GRIA4: variants seen among roughly 807,000 people sequenced by gnomAD.
The protein encoded by GRIA4 is glutamate ionotropic receptor AMPA type subunit 4.
A neutral mutation model predicts 104.0 loss-of-function variants in GRIA4; 34 were observed. The observed-to-expected ratio is 0.33, with a 90% CI of 0.25 to 0.44. GRIA4 has a LOEUF of 0.44. Ranked by LOEUF, GRIA4 falls within the 20% of genes least tolerant of loss-of-function variation. The probability of loss-of-function intolerance (pLI) is 1.00; values close to 1 mark genes in which losing one functional copy is unlikely to be tolerated. For missense variants in GRIA4, 750 were observed against 1,096.5 expected (o/e 0.68, Z 4.46); for synonymous variants, 386 against 381.9 (o/e 1.01, Z -0.13).
chr11:105,733,796 C>T (rs913827163), intron 3 of GRIA4, among the ~76,000 whole-genome samples: 80 of 149,134 alleles, frequency 5.4e-4, no homozygotes, highest in African/African-American at 1.8e-3. Context: ...CCTGCTTCAG[C>T]AGTAGTCGAT....
intron 3 of GRIA4, among the ~76,000 whole-genome samples, chr11:105,638,741 C>T (rs1391127816): frequency 6.6e-6 from 1 of 151,930 alleles, no homozygotes; most frequent in Non-Finnish European, 1.5e-5. Context: ...CTCAAATTTA[C>T]CATCATTCTT....
chr11:105,755,302 A>C (rs568320039), intron 4 of GRIA4, among the ~76,000 whole-genome samples: 156 of 152,338 alleles, frequency 1.0e-3, no homozygotes, highest in Middle Eastern at 3.4e-3. Flanking sequence ...GAAGAGGAAG[A>C]GGCATGAAAC....
chr11:105,750,711 G>A (rs559869462), intron 3 of GRIA4, among the ~76,000 whole-genome samples: 1 of 152,174 alleles, frequency 6.6e-6, no homozygotes, highest in East Asian at 1.9e-4. Context: ...TAGTACAATT[G>A]TTGTTTTTGA....
chr11:105,728,382 T>C (rs986139097), intron 3 of GRIA4, among the ~76,000 whole-genome samples: 1 of 151,956 alleles, frequency 6.6e-6, no homozygotes, highest in Admixed American at 6.6e-5. Flanking sequence ...AACAAGTTCT[T>C]AGATTCCCAC....
intron 3 of GRIA4, among the ~76,000 whole-genome samples, chr11:105,647,876 T>C (rs2135373027): frequency 6.6e-6 from 1 of 152,100 alleles, no homozygotes; most frequent in East Asian, 1.9e-4. Flanking sequence ...GGAGAATTCC[T>C]TGAACCCTGG....
intron 7 of GRIA4, among the ~76,000 whole-genome samples, chr11:105,900,970 A>T (rs550120384): frequency 5.2e-4 from 78 of 148,594 alleles, no homozygotes; most frequent in Non-Finnish European, 6.3e-4. Flanking sequence ...ATATATATAT[A>T]TTTTGTAAAT....
chr11:105,628,263 T>C (rs917955180), intron 3 of GRIA4, among the ~76,000 whole-genome samples: 3 of 152,174 alleles, frequency 2.0e-5, no homozygotes, highest in African/African-American at 4.8e-5. Context: ...TTCTTAAAAA[T>C]GAAAATACAG....
chr11:105,726,778 C>G (rs981116902), intron 3 of GRIA4, among the ~76,000 whole-genome samples: 1 of 152,110 alleles, frequency 6.6e-6, no homozygotes, highest in African/African-American at 2.4e-5. Context: ...TCCAGCAGAC[C>G]TGCAGAAGTG....
chr11:105,649,931 A>G (rs1432561440), intron 3 of GRIA4, among the ~76,000 whole-genome samples: 1 of 152,130 alleles, frequency 6.6e-6, no homozygotes, highest in Non-Finnish European at 1.5e-5. Context: ...CTCATATAAT[A>G]CACTAAAGAA....
intron 4 of GRIA4, among the ~76,000 whole-genome samples, chr11:105,853,785 C>T (rs539473169): frequency 1.5e-4 from 23 of 152,232 alleles, no homozygotes; most frequent in African/African-American, 5.5e-4. Context: ...TTTCTTTCCA[C>T]TTTTTCTGGA....
intron 3 of GRIA4, among the ~76,000 whole-genome samples, chr11:105,743,880 C>A (rs1383157643): frequency 1.3e-5 from 2 of 152,190 alleles, no homozygotes; most frequent in African/African-American, 4.8e-5. Flanking sequence ...TTATTAGATT[C>A]TGCCTATTTA....
intron 8 of GRIA4, among the ~76,000 whole-genome samples, chr11:105,904,472 C>T (rs974818044): frequency 6.6e-6 from 1 of 152,128 alleles, no homozygotes; most frequent in Non-Finnish European, 1.5e-5. Context: ...GCCTAGCTAA[C>T]CACAAGGGGT....
At chr11:105,647,045 A>C (rs1951550071) in intron 3 of GRIA4, among the ~76,000 whole-genome samples, 1 of 152,244 alleles carries the variant, frequency 6.6e-6, no homozygotes, top group African/African-American at 2.4e-5. Flanking sequence ...AAATATTTGC[A>C]AACTGTCATC....
At position 105,924,728 on chromosome 11, in the gene GRIA4, C is replaced by G. The variant is rs576356064; in HGVS notation, c.1806C>G (p.Ser602=). ...GCATCTTTAACAGCCTCTGGTTTTC[C>G]CTGGGTGCTTTTATGCAGCAAGGAT... ...EFGIFNSLWF[S]LGAFMQQGCD... is the part of the protein sequence containing the mutation. Residue 602 remains serine, a synonymous_variant, in exon 12 of 17, where the codon TCC becomes TCG. Transcript: ENST00000282499. 6.8e-6 allele frequency: 11 copies of G among 1,611,894 alleles called. No homozygotes were observed. In the African/African-American group the frequency reaches 1.3e-4, roughly 20 times the overall value.
intron 4 of GRIA4, among the ~76,000 whole-genome samples, chr11:105,846,771 A>G (rs1327935210): frequency 6.6e-6 from 1 of 152,228 alleles, no homozygotes; most frequent in African/African-American, 2.4e-5. Flanking sequence ...GAAAAGTTAA[A>G]TGTGAGACCT....
At chr11:105,899,805 G>A (rs972420667) in intron 7 of GRIA4, among the ~76,000 whole-genome samples, 1 of 152,056 alleles carries the variant, frequency 6.6e-6, no homozygotes, top group East Asian at 1.9e-4. Context: ...TTGGTTCATG[G>A]ACATTGAACT....
chr11:105,773,970 C>A (rs1941339282), intron 4 of GRIA4, among the ~76,000 whole-genome samples: 1 of 150,176 alleles, frequency 6.7e-6, no homozygotes, highest in Admixed American at 6.6e-5. Flanking sequence ...AATATTATAC[C>A]TAATGAATTT....
chr11:105,697,272 T>C (rs1316116970), intron 3 of GRIA4, among the ~76,000 whole-genome samples: 1 of 152,170 alleles, frequency 6.6e-6, no homozygotes, highest in Non-Finnish European at 1.5e-5. Flanking sequence ...GAAGAGCTGA[T>C]GAAAGCTAGA....
Position 105,738,138 on chromosome 11 carries a change from T to C in GRIA4, c.248-14843T>C, listed in dbSNP as rs139476734. 6.5e-4 allele frequency among the ~76,000 whole-genome samples: 99 copies of C among 152,042 alleles called. 1 individual carries two copies. The East Asian group carries it at 0.019, about 29-fold the overall frequency. On this transcript the variant is annotated intron_variant, in intron 3 of 16. Coordinates refer to ENST00000282499, the MANE Select transcript of GRIA4 (RefSeq NM_000829.4). Reference sequence around the variant, plus strand: ...CTCAAGTACAGAGCAGGCAGTCTCATTGAATGAGTGGAAGCGAATTTAATG... The same window carrying C: ...CTCAAGTACAGAGCAGGCAGTCTCACTGAATGAGTGGAAGCGAATTTAATG...
Sources: gnomAD v4.1 joint callset for allele counts (sites outside exome capture counted in the v4.1 genomes callset) on GRCh38, gnomAD v4.1.1 for gene constraint, MANE v1.5 for transcripts, NCBI Gene and HGNC (gene_info 2026-07-23, HGNC 2026-07-21) for gene names.